Variants in LY9 observed in about 807,000 individuals in gnomAD.
LY9 encodes lymphocyte antigen 9.
LY9 carries 59 observed loss-of-function variants against 64.6 expected under a neutral mutation model. The ratio of observed to expected loss-of-function variants is 0.91; its 90% CI spans 0.74 to 1.13. The LOEUF (loss-of-function observed/expected upper bound fraction) is 1.13. Among genes scored for constraint, LY9 ranks in the 50% most tolerant of loss-of-function variants. The pLI is 0.00. For synonymous variants in LY9, 281 were observed against 308.5 expected (o/e 0.91, Z 0.93); for missense variants, 789 against 797.2 (o/e 0.99, Z 0.12).
At position 160,816,661 on chromosome 1, in the gene LY9, C is replaced by G. The variant is rs1427646223; in HGVS notation, c.1140C>G (p.Ser380Arg). 10 of 1,614,108 alleles carry G rather than the reference C, an allele frequency of 6.2e-6. No homozygotes were observed. Among genetic ancestry groups the G allele is most frequent in the Non-Finnish European group, 7.6e-6 (9 of 1,179,994 alleles). Residue 380 changes from serine to arginine, a missense_variant, in exon 5 of 10, where the codon AGC (serine) becomes AGG (arginine). Transcript: ENST00000263285. ...GTGAGGATGGCATCTGCAGGATCAG[C>G]CTGACCTGCTCCGTGGAGGACGGGG... The part of the protein sequence containing the change: ...RHSEDGICRI[S>R]LTCSVEDGGN...
rs141288656 is a variant in LY9 at position 160,823,671 on chromosome 1, G to C, written c.1705G>C (p.Glu569Gln). The C allele has an allele frequency of 9.7e-5, 157 of 1,614,112 alleles. No individual in the cohort carries two copies. Among genetic ancestry groups the C allele is most frequent in the Non-Finnish European group, 1.2e-4 (142 of 1,179,980 alleles). The change falls in exon 8 of 10, where the codon GAG becomes CAG. Residue 569 changes from glutamate to glutamine, a missense_variant. Coordinates refer to ENST00000263285, the MANE Select transcript of LY9 (RefSeq NM_002348.4). ...RYEVFDQVTQ[E>Q]GAGHDPAPEG... ...TGAGGTATTTGACCAGGTCACTCAG[G>C]AGGGCGCTGGACATGACCCAGCCCC...
At chr1:160,809,537 T>C (rs1243411432) in intron 2 of LY9, among the ~76,000 whole-genome samples, 1 of 151,992 alleles carries the variant, frequency 6.6e-6, no homozygotes, top group Admixed American at 6.5e-5. Flanking sequence ...ATTATTATTT[T>C]ATTTTGTAGA....
intron 2 of LY9, chr1:160,812,322 A>G (rs1399777806): frequency 6.6e-6 from 1 of 152,196 alleles, no homozygotes; most frequent in Non-Finnish European, 1.5e-5. Context: ...ATCTCCAAAT[A>G]TAGTTCTATC....
intron 2 of LY9, chr1:160,812,666 A>C (rs1667601361): frequency 6.6e-6 from 1 of 152,244 alleles, no homozygotes; most frequent in Non-Finnish European, 1.5e-5. Flanking sequence ...CCATAACAGT[A>C]ATTGCCTCCA....
chr1:160,796,612 C>T (rs1008965354), intron 1 of LY9, among the ~76,000 whole-genome samples: 2 of 152,050 alleles, frequency 1.3e-5, no homozygotes, highest in Non-Finnish European at 2.9e-5. Context: ...ACGGTGGTCT[C>T]GATCTCTTGA....
intron 8 of LY9, 58 bp downstream of exon 8, chr1:160,823,854 A>G: frequency 7.3e-7 from 1 of 1,373,444 alleles, no homozygotes. Context: ...GGCATCTGAG[A>G]TCCTGGATGA....
chr1:160,827,516 T>C (rs1437427767), intron 9 of LY9, among the ~76,000 whole-genome samples: 5 of 152,228 alleles, frequency 3.3e-5, no homozygotes, highest in Admixed American at 6.5e-5. Context: ...TTTGCTGCAC[T>C]AAACTGTCTT....
intron 9 of LY9, chr1:160,824,853 C>A (rs540951308): frequency 6.3e-6 from 1 of 158,722 alleles, no homozygotes; most frequent in African/African-American, 2.4e-5. Flanking sequence ...TGGTGGCAGG[C>A]GCCTGTAGTT....
chr1:160,813,433 C>T, intron 2 of LY9: 1 of 596,616 alleles, frequency 1.7e-6, no homozygotes, highest in Non-Finnish European at 3.0e-6. Flanking sequence ...CATGCTGAGT[C>T]ATGGTGATAA....
chr1:160,813,535 C>T (rs1369174237), intron 2 of LY9, 101 bp from the exon 3 acceptor site: 9 of 1,227,738 alleles, frequency 7.3e-6, no homozygotes, highest in African/African-American at 1.5e-5. Flanking sequence ...GCTGGCCTCT[C>T]TCTGCTGCCC....
intron 1 of LY9, chr1:160,797,179 C>T (rs2101724890): frequency 1.0e-6 from 1 of 985,532 alleles, no homozygotes; most frequent in South Asian, 4.7e-5. Flanking sequence ...TAGAGCCAAT[C>T]CAGTACCCCA....
intron 2 of LY9, among the ~76,000 whole-genome samples, chr1:160,804,001 C>T (rs1666743914): frequency 6.6e-6 from 1 of 151,936 alleles, no homozygotes; most frequent in African/African-American, 2.4e-5. Context: ...AAAAATGAGA[C>T]CCTGTCTCAA....
At position 160,819,322 on chromosome 1, in the gene LY9, T is replaced by C; in HGVS notation, c.1446T>C (p.Cys482=). 1 of 1,613,284 alleles carries C rather than the reference T, an allele frequency of 6.2e-7. No homozygotes were observed. Among genetic ancestry groups the C allele is most frequent in the Non-Finnish European group, 8.5e-7 (1 of 1,179,372 alleles). Residue 482 remains cysteine, a splice_region_variant and synonymous_variant, in exon 7 of 10, where the codon TGT becomes TGC. Coordinates refer to ENST00000263285, the MANE Select transcript of LY9 (RefSeq NM_002348.4). ...SWCIWKRKGR[C]SVPAFCSSQA... ...ACCTTCTCTAACTTTGTTTCTCAGG[T>C]TCAGTCCCAGCCTTCTGTTCCAGCC...
chr1:160,808,494 A>C (rs913855448), intron 2 of LY9, among the ~76,000 whole-genome samples: 1 of 152,040 alleles, frequency 6.6e-6, no homozygotes, highest in Non-Finnish European at 1.5e-5. Context: ...GCAGCTCCCT[A>C]TGGTAGTTTC....
At chr1:160,803,259 G>C (rs574151033) in intron 2 of LY9, among the ~76,000 whole-genome samples, 136 of 151,916 alleles carry the variant, frequency 9.0e-4, no homozygotes, top group Middle Eastern at 3.4e-3. Context: ...GCCAGCCTGG[G>C]TGACAAAGTG....
At chr1:160,819,585 T>C (rs1301014170) in intron 7 of LY9, among the ~76,000 whole-genome samples, 1 of 148,062 alleles carries the variant, frequency 6.8e-6, no homozygotes, top group East Asian at 2.0e-4. Flanking sequence ...AGGCCAGGAG[T>C]TCAAGACCAG....
chr1:160,818,279 T>C lies in LY9; in HGVS notation c.1404T>C (p.Val468=). The C allele has an allele frequency of 6.2e-7, 1 of 1,614,140 alleles. No individual in the cohort carries two copies. The highest frequency in any genetic ancestry group is 8.5e-7 in the Non-Finnish European group (1 of 1,180,002). ...TCCTGATGGTTTGCCTTCTGTGCGT[T>C]GGGATCTTCAGCTGGTGCATTTGGA... ...GLFLMVCLLC[V]GIFSWCIWKR... is the part of the protein sequence containing the mutation. The change falls in exon 6 of 10, where the codon GTT becomes GTC. Residue 468 remains valine, a synonymous_variant. Transcript: ENST00000263285.
rs141295953 is a variant in LY9 at position 160,799,869 on chromosome 1, A to G, written c.241A>G (p.Ile81Val). 6.8e-6 allele frequency: 11 copies of G among 1,614,040 alleles called. No homozygotes were observed. The African/African-American group carries it at 1.3e-4, about 20-fold the overall frequency. The change falls in exon 2 of 10, where the codon ATT becomes GTT. Residue 81 changes from isoleucine (I) to valine (V), a missense_variant. By Grantham distance (29) the Ile-to-Val change is conservative. Coordinates refer to ENST00000263285, the MANE Select transcript of LY9 (RefSeq NM_002348.4). ...CACAGAGATTGAGAACGTCATCTGG[A>G]TTGGTCCCAAAAATGCTCTTGCTTT... ...VDTEIENVIW[I>V]GPKNALAFAR...
At chr1:160,796,693 A>C (rs1665907349) in intron 1 of LY9, among the ~76,000 whole-genome samples, 1 of 152,130 alleles carries the variant, frequency 6.6e-6, no homozygotes, top group South Asian at 2.1e-4. Flanking sequence ...CTTGTTGGTA[A>C]AATCGGGAAA....
Sources: allele counts gnomAD v4.1 joint callset (sites outside exome capture counted in the v4.1 genomes callset), GRCh38; gene constraint gnomAD v4.1.1; transcripts MANE v1.5; gene names NCBI Gene and HGNC (gene_info 2026-07-23, HGNC 2026-07-21).